Variants in TAF8 observed in about 807,000 individuals in gnomAD.
TAF8 encodes transcription initiation factor TFIID subunit 8.
TAF8 carries 47 observed loss-of-function variants against 36.5 expected under a neutral mutation model. The observed-to-expected ratio is 1.29, with a 90% CI of 1.02 to 1.64. TAF8 has a LOEUF of 1.64. Among genes scored for constraint, TAF8 ranks in the 40% most tolerant of loss-of-function variants. TAF8 has a pLI of 0.00. For missense variants in TAF8, 420 were observed against 407.6 expected (o/e 1.03, Z -0.26); for synonymous variants, 175 against 159.5 (o/e 1.10, Z -0.73).
chr6:42,073,877 AGTG>A (rs1765668501), intron 7 of TAF8, among the ~76,000 whole-genome samples: 1 of 152,186 alleles, frequency 6.6e-6, no homozygotes, highest in Non-Finnish European at 1.5e-5. Flanking sequence ...GGCGAGAGGC[AGTG>A]GTGGGCCCAA....
chr6:42,080,335 G>A lies in TAF8; in HGVS notation c.*2790G>A. 43 of 988,874 alleles carry A rather than the reference G, an allele frequency of 4.3e-5. No individual in the cohort carries two copies. The highest frequency in any genetic ancestry group is 5.2e-5 in the Non-Finnish European group (43 of 832,612). 61.3% of individuals were successfully genotyped at this position (988,874 alleles called of 1,614,324 possible). A position where few individuals can be genotyped will look rare whatever the true frequency, so the allele number is the denominator to read the frequency against. On this transcript the variant is annotated 3_prime_UTR_variant, in exon 9 of 9. Coordinates refer to ENST00000372977, the MANE Select transcript of TAF8 (RefSeq NM_138572.3). ...TTGGAAAAGGGCTGCTATTTCTGCT[G>A]TTGAGATTTCAGAGGCTATACTCTT...
intron 7 of TAF8, among the ~76,000 whole-genome samples, chr6:42,075,191 A>G (rs976979897): frequency 1.3e-5 from 2 of 152,208 alleles, no homozygotes. Context: ...TAGGAACTTC[A>G]GAAAGGTTGG....
At chr6:42,075,883 C>G (rs1008086147) in intron 7 of TAF8, among the ~76,000 whole-genome samples, 5 of 152,142 alleles carry the variant, frequency 3.3e-5, no homozygotes, top group African/African-American at 9.7e-5. Flanking sequence ...AACTTACAAA[C>G]TTTTCTGAAA....
At chr6:42,085,247 G>A (rs1326196605), downstream of TAF8, among the ~76,000 whole-genome samples, 1 of 152,206 alleles carries the variant, frequency 6.6e-6, no homozygotes, top group African/African-American at 2.4e-5. Flanking sequence ...GCTGTAGAGT[G>A]TTCCATTGTA....
intron 7 of TAF8, among the ~76,000 whole-genome samples, chr6:42,070,640 G>T (rs556792640): frequency 6.6e-6 from 1 of 152,342 alleles, no homozygotes; most frequent in East Asian, 1.9e-4. Context: ...TGGTGTTCCT[G>T]CAGTACAGGG....
rs1264718803 is a variant in TAF8, at chr6:42,057,453, G to A, written c.429G>A (p.Pro143=). 7.4e-6 allele frequency: 12 copies of A among 1,613,914 alleles called. No homozygotes were observed. In the Middle Eastern group the frequency reaches 6.6e-4, roughly 88 times the overall value. ...ALTAGQNRPH[P]PHIPSHFPEF... ...CTGCAGGGCAGAACCGACCCCACCC[G>A]CCGCACATCCCCAGCCATTTTCCTG... The change falls in exon 5 of 9, where the codon CCG becomes CCA. Residue 143 remains proline, a synonymous_variant. Coordinates refer to ENST00000372977, the MANE Select transcript of TAF8 (RefSeq NM_138572.3).
At chr6:42,059,970 G>A (rs538025688) in intron 5 of TAF8, among the ~76,000 whole-genome samples, 30 of 152,192 alleles carry the variant, frequency 2.0e-4, no homozygotes, top group Non-Finnish European at 3.4e-4. Flanking sequence ...GAGTGAACCC[G>A]AAGGTGAGAA....
chr6:42,059,451 TG>T (rs1765118229), intron 5 of TAF8, among the ~76,000 whole-genome samples: 1 of 150,276 alleles, frequency 6.7e-6, no homozygotes, highest in Admixed American at 6.6e-5. Flanking sequence ...AGTTCCTGGG[TG>T]GGGGCCACAA....
rs573645651 is a variant in TAF8 at position 42,051,931 on chromosome 6, A to G, written c.202+418A>G. 3.1e-3 allele frequency among the ~76,000 whole-genome samples: 471 copies of G among 152,330 alleles called. 1 individual carries two copies. Among genetic ancestry groups the G allele is most frequent in the Non-Finnish European group, 5.7e-3 (386 of 68,024 alleles). On this transcript the variant is annotated intron_variant, in intron 2 of 8. Transcript: ENST00000372977. ...CAGTGAACTGAGATCGCACCACTGCACTCCAGCCTGTGAGGCTCCATCTCC... is the reference window on the plus strand; with the variant it reads ...CAGTGAACTGAGATCGCACCACTGCGCTCCAGCCTGTGAGGCTCCATCTCC...
In TAF8 at chr6:42,056,035, G is replaced by A. The variant is rs202200264; in HGVS notation, c.364+21G>A. ...TGCTCGTAAGTGACTTTGAACTGAGGTACTTAGCAATTTTTCAATTAATGC... is the reference window on the plus strand; with the variant it reads ...TGCTCGTAAGTGACTTTGAACTGAGATACTTAGCAATTTTTCAATTAATGC... On this transcript the variant is annotated intron_variant, in intron 4 of 8. Coordinates refer to ENST00000372977, the MANE Select transcript of TAF8 (RefSeq NM_138572.3). The A allele has an allele frequency of 5.2e-5, 81 of 1,552,402 alleles. No individual in the cohort carries two copies. The South Asian group carries it at 7.4e-4, about 14-fold the overall frequency.
At position 42,080,255 on chromosome 6, in the gene TAF8, T is replaced by C. The variant is rs1374467570; in HGVS notation, c.*2710T>C. 3.0e-6 allele frequency: 3 copies of C among 985,506 alleles called. No individual in the cohort carries two copies. In the African/African-American group the frequency reaches 5.2e-5, roughly 17 times the overall value. The allele number at this position is 985,506 out of a possible 1,614,324, so 61.0% of individuals were successfully genotyped here. On this transcript the variant is annotated 3_prime_UTR_variant, in exon 9 of 9. Coordinates refer to ENST00000372977, the MANE Select transcript of TAF8 (RefSeq NM_138572.3). ...TGTTTCTGCAGCTTCCATTTGTTGT[T>C]GTTATCCAGTGTAAGCACCTGTTGA...
chr6:42,084,525 C>T (rs140181011), downstream of TAF8, among the ~76,000 whole-genome samples: 2,124 of 152,222 alleles, frequency 0.014, 32 homozygotes, highest in Non-Finnish European at 0.023. Flanking sequence ...GGCAGTGGTG[C>T]GATCTCGGCT....
chr6:42,055,734 G>A (rs1048225911), intron 3 of TAF8, 105 bp downstream of exon 3: 5 of 936,540 alleles, frequency 5.3e-6, no homozygotes, highest in Middle Eastern at 2.2e-4. Flanking sequence ...TGGTTCTCTT[G>A]AATTGCTTTG....
chr6:42,087,335 A>T (rs1293843750), downstream of TAF8: 1 of 146,360 alleles, frequency 6.8e-6, no homozygotes, highest in Non-Finnish European at 1.5e-5. Context: ...TCATTTACAT[A>T]GTGCTTACAT....
At chr6:42,050,648 C>A in intron 1 of TAF8, 62 bp downstream of exon 1, 1 of 1,494,720 alleles carries the variant, frequency 6.7e-7, no homozygotes, top group Non-Finnish European at 9.0e-7. Flanking sequence ...ACTTTCCCCT[C>A]GACTGAGCAA....
intron 5 of TAF8, among the ~76,000 whole-genome samples, chr6:42,064,956 CAAAAA>C (rs59214523): frequency 4.1e-5 from 3 of 73,712 alleles, no homozygotes; most frequent in Non-Finnish European, 7.5e-5. Flanking sequence ...GACTCTGTCT[CAAAAA>C]AAAAAAAAAA....
intron 7 of TAF8, among the ~76,000 whole-genome samples, chr6:42,073,817 C>T (rs1377496892): frequency 1.3e-5 from 2 of 152,064 alleles, no homozygotes; most frequent in South Asian, 2.1e-4. Flanking sequence ...TCTGATGGCT[C>T]GGTAAGAACG....
At chr6:42,072,199 T>C (rs1765601816) in intron 7 of TAF8, among the ~76,000 whole-genome samples, 1 of 152,198 alleles carries the variant, frequency 6.6e-6, no homozygotes. Context: ...CACACACTGC[T>C]CCCTCCCCTG....
At chr6:42,058,115 G>A (rs1765069595) in intron 5 of TAF8, among the ~76,000 whole-genome samples, 1 of 152,138 alleles carries the variant, frequency 6.6e-6, no homozygotes, top group African/African-American at 2.4e-5. Context: ...CGGGAGCAGT[G>A]GCTCATACCT....
Sources: gnomAD v4.1 joint callset for allele counts (sites outside exome capture counted in the v4.1 genomes callset) on GRCh38, gnomAD v4.1.1 for gene constraint, MANE v1.5 for transcripts, NCBI Gene and HGNC (gene_info 2026-07-23, HGNC 2026-07-21) for gene names.